Variants in FGF13 observed in about 807,000 individuals in gnomAD.
FGF13 encodes the protein fibroblast growth factor 13, also known as fibroblast growth factor homologous factor 2.
Under a neutral mutation model 19.5 loss-of-function variants are expected in FGF13, and 2 were observed. The ratio of observed to expected loss-of-function variants is 0.10; its 90% CI spans 0.04 to 0.32. The LOEUF is 0.32. Ranked by LOEUF, FGF13 falls within the 10% of genes least tolerant of loss-of-function variation. The pLI, the probability that FGF13 is intolerant of heterozygous loss-of-function variation, is 1.00. For synonymous variants in FGF13, 72 were observed against 76.9 expected, an observed-to-expected ratio of 0.94 and a Z score of 0.33; for missense variants, 113 against 192.7, an observed-to-expected ratio of 0.59 and a Z score of 2.45.
chrX:138,625,337 A>T lies in FGF13; in HGVS notation c.*7513T>A, dbSNP rs1480027889. 8.4e-5 allele frequency: 9 copies of T among 107,502 alleles called. No individual in the cohort carries two copies. Among genetic ancestry groups the T allele is most frequent in the African/African-American group, 3.0e-4 (9 of 29,631 alleles). 8.9% of individuals were successfully genotyped at this position (107,502 alleles called of 1,213,427 possible). On this transcript the variant is annotated 3_prime_UTR_variant, in exon 5 of 5. Transcript: ENST00000315930. ...ACTTCTGGTTATATATCCAAAGGAA[A>T]TTAAATCAGTATGCCAAACAGACAT... is the stretch of plus-strand genomic sequence containing the variant.
chrX:138,732,231 T>G (rs915718094), intron 1 of FGF13, among the ~76,000 whole-genome samples: 1 of 111,906 alleles, frequency 8.9e-6, no homozygotes, highest in African/African-American at 3.2e-5. Context: ...ATAATTTCAC[T>G]GCTAGGTTTT....
intron 3 of FGF13, among the ~76,000 whole-genome samples, chrX:138,801,533 G>T (rs1276796983): frequency 8.9e-6 from 1 of 111,753 alleles, no homozygotes; most frequent in African/African-American, 3.3e-5. Flanking sequence ...CCTGCTGGGA[G>T]GTGTCTCCCA....
chrX:138,746,295 A>G (rs2090355369), intron 3 of FGF13, among the ~76,000 whole-genome samples: 1 of 110,681 alleles, frequency 9.0e-6, no homozygotes, highest in Non-Finnish European at 1.9e-5. Context: ...AGAGGAAGAT[A>G]GGATATAGGG....
intron 3 of FGF13, among the ~76,000 whole-genome samples, chrX:138,669,157 G>A (rs1167512270): frequency 9.0e-6 from 1 of 110,720 alleles, no homozygotes; most frequent in Non-Finnish European, 1.9e-5. Flanking sequence ...TGGAAAAAAG[G>A]TAGTAGTCCA....
Position 139,177,767 on chromosome X carries a change from T to C in FGF13, c.-113+25649A>G, listed in dbSNP as rs187278057. ...CTCTCTCTTGCATTCCAGTTGCCAC[T>C]GGGGTATGAAAAAGAACTCCTGCAG... On this transcript the variant is annotated intron_variant, in intron 1 of 2. Transcript: ENST00000421460. Among the ~76,000 whole-genome samples, 68 of 111,575 alleles carry C rather than the reference T, an allele frequency of 6.1e-4. No individual in the cohort carries two copies. The East Asian group carries it at 0.019, about 32-fold the overall frequency.
chrX:138,769,146 T>C (rs747190861), intron 3 of FGF13, among the ~76,000 whole-genome samples: 2 of 111,863 alleles, frequency 1.8e-5, no homozygotes, highest in African/African-American at 6.5e-5. Flanking sequence ...TAGGTATAAA[T>C]GGATCCTATT....
At chrX:139,194,637 A>C (rs1311818259) in intron 1 of FGF13, among the ~76,000 whole-genome samples, 2 of 111,359 alleles carry the variant, frequency 1.8e-5, no homozygotes, top group Non-Finnish European at 3.8e-5. Flanking sequence ...GGTCAGGTGT[A>C]CGGAAAGCAA....
chrX:138,977,480 ATGTGGGAAAAGGTTTCTTTT>A (rs1569434409), intron 1 of FGF13, among the ~76,000 whole-genome samples: 1 of 112,446 alleles, frequency 8.9e-6, no homozygotes, highest in Non-Finnish European at 1.9e-5. Context: ...CATGAAAATA[ATGTGGGAAAAGGTTTCTTTT>A]TGCCACAGCT....
At chrX:138,954,736 C>A (rs1034300749) in intron 1 of FGF13, among the ~76,000 whole-genome samples, 2 of 111,637 alleles carry the variant, frequency 1.8e-5, no homozygotes. Flanking sequence ...GCAGATCCCT[C>A]AACGTTCACC....
intron 1 of FGF13, among the ~76,000 whole-genome samples, chrX:138,884,560 T>C (rs2091442621): frequency 8.9e-6 from 1 of 112,453 alleles, no homozygotes; most frequent in African/African-American, 3.2e-5. Context: ...GTTCAGATTT[T>C]CCAGCCACAG....
In FGF13 at chrX:138,931,858, G is replaced by A. The variant is rs778635189; in HGVS notation, c.-112-67208C>T. Among the ~76,000 whole-genome samples, 276 of 111,786 alleles carry A rather than the reference G, an allele frequency of 2.5e-3. 2 individuals are homozygous for A. The highest frequency in any genetic ancestry group is 4.2e-3 in the Non-Finnish European group (224 of 53,208). On this transcript the variant is annotated intron_variant, in intron 1 of 2. Transcript: ENST00000421460. ...ATTCAAATATAGATTTATGTGCTCA[G>A]ATAAAAACAAATAAGTATATAAATA...
At chrX:138,975,724 G>T (rs1251730093) in intron 1 of FGF13, among the ~76,000 whole-genome samples, 1 of 111,507 alleles carries the variant, frequency 9.0e-6, no homozygotes, top group African/African-American at 3.3e-5. Context: ...AATGACATCA[G>T]GACTGAGAGC....
chrX:139,200,940 ATAT>A (rs1369512451), intron 1 of FGF13, among the ~76,000 whole-genome samples: 1 of 112,148 alleles, frequency 8.9e-6, no homozygotes, highest in African/African-American at 3.2e-5. Context: ...GAACAAACAA[ATAT>A]TATGCTTTCT....
chrX:139,081,092 AATTCGTTTCCTCCCATTC>A (rs1443804845), intron 1 of FGF13, among the ~76,000 whole-genome samples: 1 of 110,910 alleles, frequency 9.0e-6, no homozygotes, highest in Admixed American at 9.6e-5. Context: ...TTACTGCTCC[AATTCGTTTCCTCCCATTC>A]TCTTTTGAAA....
chrX:139,054,899 G>GTTGTATTGTA lies in FGF13; in HGVS notation c.-113+148507_-113+148516dup, dbSNP rs555643117. 7.5e-3 allele frequency among the ~76,000 whole-genome samples: 737 copies of GTTGTATTGTA among 98,904 alleles called. 5 individuals are homozygous for GTTGTATTGTA. The highest frequency in any genetic ancestry group is 0.01 in the East Asian group (33 of 3,206). The allele number at this position is 98,904 out of a possible 115,157, so 85.9% of individuals were successfully genotyped here. ...GTTGTGTTGTGTTGTGTTGTGTTGT[G>GTTGTATTGTA]TTGTATTGTATTGTATTGTATTGTA... On this transcript the variant is annotated intron_variant, in intron 1 of 2. Coordinates refer to the FGF13 transcript ENST00000421460.
At chrX:138,996,793 G>C (rs1455753626) in intron 1 of FGF13, among the ~76,000 whole-genome samples, 1 of 112,454 alleles carries the variant, frequency 8.9e-6, no homozygotes, top group Non-Finnish European at 1.9e-5. Flanking sequence ...GCTCTGAAGA[G>C]AGCAGTGGTT....
At chrX:139,172,771 A>T (rs1008785403) in intron 1 of FGF13, among the ~76,000 whole-genome samples, 4 of 111,756 alleles carry the variant, frequency 3.6e-5, no homozygotes, top group African/African-American at 1.3e-4. Flanking sequence ...TCAGGATACA[A>T]ATTTTACATA....
intron 1 of FGF13, among the ~76,000 whole-genome samples, chrX:139,022,366 GTAT>G (rs1401255451): frequency 1.1e-4 from 12 of 111,905 alleles, no homozygotes; most frequent in Non-Finnish European, 2.1e-4. Flanking sequence ...TATGTTTTCT[GTAT>G]TATTTTTAGG....
chrX:138,777,280 T>C (rs56918836), intron 3 of FGF13, among the ~76,000 whole-genome samples: 4 of 111,490 alleles, frequency 3.6e-5, no homozygotes, highest in African/African-American at 1.3e-4. Flanking sequence ...TCCCTTACTG[T>C]GAAACACCAG....
Sources: gnomAD v4.1 joint callset for allele counts (sites outside exome capture counted in the v4.1 genomes callset) on GRCh38, gnomAD v4.1.1 for gene constraint, MANE v1.5 for transcripts, NCBI Gene and HGNC (gene_info 2026-07-23, HGNC 2026-07-21) for gene names.